CNTN4: variants seen among roughly 807,000 people sequenced by gnomAD.
CNTN4 encodes the protein contactin-4.
CNTN4 carries 77 observed loss-of-function variants against 122.5 expected under a neutral mutation model. The ratio of observed to expected loss-of-function variants is 0.63; its 90% CI spans 0.52 to 0.76. CNTN4 has a LOEUF of 0.76. Among genes scored for constraint, CNTN4 ranks in the 30% least tolerant of loss-of-function variants. The pLI, the probability that CNTN4 is intolerant of heterozygous loss-of-function variation, is 0.00. For synonymous variants in CNTN4, 512 were observed against 447.0 expected, an observed-to-expected ratio of 1.15 and a Z score of -1.83; for missense variants, 1,256 against 1,259.1, an observed-to-expected ratio of 1.00 and a Z score of 0.04.
intron 3 of CNTN4, among the ~76,000 whole-genome samples, chr3:2,565,023 G>A (rs1035784920): frequency 5.3e-5 from 8 of 152,092 alleles, no homozygotes; most frequent in African/African-American, 1.9e-4. Flanking sequence ...TTAAAATGGG[G>A]AGCAACTGTG....
intron 3 of CNTN4, among the ~76,000 whole-genome samples, chr3:2,545,014 G>A (rs1193177885): frequency 6.6e-6 from 1 of 151,930 alleles, no homozygotes; most frequent in Non-Finnish European, 1.5e-5. Context: ...GTTTAGTGCT[G>A]TAAACTTTTC....
At chr3:2,256,884 A>G (rs775327003) in intron 2 of CNTN4, among the ~76,000 whole-genome samples, 1 of 152,198 alleles carries the variant, frequency 6.6e-6, no homozygotes, top group Non-Finnish European at 1.5e-5. Flanking sequence ...TACAGATTCA[A>G]TGCTATCCCC....
chr3:2,881,165 C>T (rs1037920448), intron 8 of CNTN4, among the ~76,000 whole-genome samples: 1 of 152,300 alleles, frequency 6.6e-6, no homozygotes, highest in African/African-American at 2.4e-5. Flanking sequence ...TTCTGTTTCT[C>T]ACAGTTTGAG....
At chr3:2,898,402 A>G (rs1259126972) in intron 10 of CNTN4, among the ~76,000 whole-genome samples, 2 of 152,196 alleles carry the variant, frequency 1.3e-5, no homozygotes, top group African/African-American at 4.8e-5. Flanking sequence ...ACAAATAACT[A>G]CCACTGAGTA....
chr3:2,576,553 T>C (rs1237754971), intron 4 of CNTN4, among the ~76,000 whole-genome samples: 275 of 16,384 alleles, frequency 0.017, 1 homozygote, highest in Admixed American at 0.039. Flanking sequence ...GTTTTTTTCT[T>C]TTTTTTTTTT....
chr3:2,359,843 A>G (rs915350027), intron 3 of CNTN4, among the ~76,000 whole-genome samples: 4 of 152,158 alleles, frequency 2.6e-5, no homozygotes, highest in African/African-American at 9.7e-5. Context: ...CTGGCCGTAT[A>G]TATGATTGTT....
At chr3:2,830,337 A>G (rs2093077135) in intron 7 of CNTN4, among the ~76,000 whole-genome samples, 1 of 152,216 alleles carries the variant, frequency 6.6e-6, no homozygotes, top group Non-Finnish European at 1.5e-5. Context: ...TGATCCTTAG[A>G]ACTGGAGGCC....
intron 7 of CNTN4, among the ~76,000 whole-genome samples, chr3:2,826,114 G>T (rs141288550): frequency 7.9e-4 from 121 of 152,304 alleles, no homozygotes; most frequent in African/African-American, 2.2e-3. Flanking sequence ...TCAATGGCAG[G>T]AATAAGAGTT....
intron 6 of CNTN4, among the ~76,000 whole-genome samples, chr3:2,751,398 A>G (rs1315967710): frequency 6.6e-6 from 1 of 152,200 alleles, no homozygotes; most frequent in Non-Finnish European, 1.5e-5. Context: ...TTTACCCTGG[A>G]AAGTCAGCCT....
At chr3:2,741,253 G>T (rs956863240) in intron 5 of CNTN4, among the ~76,000 whole-genome samples, 1 of 152,178 alleles carries the variant, frequency 6.6e-6, no homozygotes, top group Non-Finnish European at 1.5e-5. Flanking sequence ...TACAAGTAAA[G>T]GATGACCAAG....
chr3:2,904,030 A>C (rs1266383896), intron 12 of CNTN4, among the ~76,000 whole-genome samples: 1 of 152,240 alleles, frequency 6.6e-6, no homozygotes, highest in Non-Finnish European at 1.5e-5. Context: ...CGTTAAAAAA[A>C]AAAGTTAAGA....
chr3:2,925,755 G>C lies in CNTN4; in HGVS notation c.1334G>C (p.Arg445Thr). 6.2e-7 allele frequency: 1 copy of C among 1,613,666 alleles called. No individual in the cohort carries two copies. The highest frequency in any genetic ancestry group is 1.7e-5 in the Admixed American group (1 of 60,012). The change falls in exon 13 of 25, where the codon AGG (arginine) becomes ACG (threonine). Residue 445 changes from arginine to threonine, a missense_variant. Coordinates refer to ENST00000418658, the MANE Select transcript of CNTN4 (RefSeq NM_175607.3). ...PKPVYTWKKGRDILKENERIT... is the reference protein window; with the variant it reads ...PKPVYTWKKGTDILKENERIT... ...CCTGTTTACACCTGGAAGAAAGGAA[G>C]GGATATATTAAAAGAAAATGAAAGG...
At chr3:2,943,608 A>G (rs905082599) in intron 13 of CNTN4, among the ~76,000 whole-genome samples, 2 of 125,048 alleles carry the variant, frequency 1.6e-5, no homozygotes, top group African/African-American at 6.3e-5. Context: ...ATATATAAAT[A>G]TATTTATATA....
At chr3:2,593,386 AC>A (rs1390633427) in intron 4 of CNTN4, among the ~76,000 whole-genome samples, 1 of 152,224 alleles carries the variant, frequency 6.6e-6, no homozygotes, top group Non-Finnish European at 1.5e-5. Flanking sequence ...ATAGGTAGAT[AC>A]ATTGAGATTA....
At chr3:2,400,430 T>TATATATATATAC (rs1553640934) in intron 3 of CNTN4, among the ~76,000 whole-genome samples, 13 of 68,548 alleles carry the variant, frequency 1.9e-4, no homozygotes, top group East Asian at 1.1e-3. Context: ...TATATATACA[T>TATATATATATAC]ATATATATAT....
intron 17 of CNTN4, among the ~76,000 whole-genome samples, chr3:3,035,788 G>A (rs12715168): frequency 0.4 from 60,539 of 151,836 alleles, 12,484 homozygotes; most frequent in Non-Finnish European, 0.45. Context: ...AAACTCCTGC[G>A]CTCAAGCAAT....
chr3:2,348,672 A>G (rs1306459567), intron 3 of CNTN4, among the ~76,000 whole-genome samples: 1 of 152,120 alleles, frequency 6.6e-6, no homozygotes, highest in East Asian at 1.9e-4. Context: ...GATCTATATT[A>G]GCTGGGTTCA....
chr3:2,968,166 G>A (rs1692520153), intron 13 of CNTN4, among the ~76,000 whole-genome samples: 1 of 152,030 alleles, frequency 6.6e-6, no homozygotes, highest in Non-Finnish European at 1.5e-5. Flanking sequence ...AGAATCTGTG[G>A]GCATGACCAT....
chr3:2,189,606 T>C (rs1215596099), intron 2 of CNTN4, among the ~76,000 whole-genome samples: 1 of 152,150 alleles, frequency 6.6e-6, no homozygotes, highest in Non-Finnish European at 1.5e-5. Flanking sequence ...CTCGCCTCCA[T>C]GTTGTCCCTG....
Sources: allele counts gnomAD v4.1 joint callset (sites outside exome capture counted in the v4.1 genomes callset), GRCh38; gene constraint gnomAD v4.1.1; transcripts MANE v1.5; gene names NCBI Gene and HGNC (gene_info 2026-07-23, HGNC 2026-07-21).